KIAA1549: variants seen among roughly 807,000 people sequenced by gnomAD.
The protein encoded by KIAA1549 is KIAA1549, also known as UPF0606 protein KIAA1549.
KIAA1549 carries 70 observed loss-of-function variants against 156.4 expected under a neutral mutation model. The observed-to-expected ratio is 0.45, with a 90% CI of 0.37 to 0.55. The LOEUF is 0.55. KIAA1549 is among the 20% of genes least tolerant of loss of function. The pLI is 0.00. For missense variants in KIAA1549, 2,428 were observed against 2,540.9 expected, an observed-to-expected ratio of 0.96 and a Z score of 0.96; for synonymous variants, 1,103 against 1,066.4, an observed-to-expected ratio of 1.03 and a Z score of -0.67.
At chr7:138,976,038 T>A (rs7809149) in intron 1 of KIAA1549, among the ~76,000 whole-genome samples, 1 of 152,148 alleles carries the variant, frequency 6.6e-6, no homozygotes, top group Non-Finnish European at 1.5e-5. Flanking sequence ...AGCAAAAACA[T>A]GTAACAAAAA....
At chr7:138,876,170 T>G (rs1811080309) in intron 12 of KIAA1549, among the ~76,000 whole-genome samples, 1 of 152,188 alleles carries the variant, frequency 6.6e-6, no homozygotes, top group Admixed American at 6.5e-5. Flanking sequence ...TACAGTCATC[T>G]CCACTATGTT....
At chr7:138,871,047 C>T (rs1810914670) in intron 13 of KIAA1549, 110 bp downstream of exon 13, 1 of 997,084 alleles carries the variant, frequency 1.0e-6, no homozygotes, top group Non-Finnish European at 1.5e-6. Context: ...AAACTCCCGA[C>T]CTCAGGCGAT....
intron 1 of KIAA1549, among the ~76,000 whole-genome samples, chr7:138,943,863 C>CAA (rs367938533): frequency 6.9e-6 from 1 of 145,862 alleles, no homozygotes. Context: ...AAAAACAAAA[C>CAA]AAAAAAAAAA....
At chr7:138,913,235 T>C (rs949091028) in intron 2 of KIAA1549, among the ~76,000 whole-genome samples, 2 of 152,198 alleles carry the variant, frequency 1.3e-5, no homozygotes, top group African/African-American at 4.8e-5. Context: ...CATCTTCCTC[T>C]GTAAAATGAG....
At chr7:138,940,857 G>A (rs1225043557) in intron 1 of KIAA1549, among the ~76,000 whole-genome samples, 2 of 152,076 alleles carry the variant, frequency 1.3e-5, no homozygotes, top group African/African-American at 4.8e-5. Context: ...CTTGTTGATG[G>A]GGTTGTTTGT....
chr7:138,960,260 A>C (rs1813797932), intron 1 of KIAA1549, among the ~76,000 whole-genome samples: 1 of 151,874 alleles, frequency 6.6e-6, no homozygotes, highest in Non-Finnish European at 1.5e-5. Context: ...ACATAGTGAG[A>C]CCTCATCTCT....
chr7:138,938,784 A>G (rs926182386), intron 1 of KIAA1549, among the ~76,000 whole-genome samples: 1 of 152,250 alleles, frequency 6.6e-6, no homozygotes, highest in Non-Finnish European at 1.5e-5. Context: ...ACAGTGGCTC[A>G]CGCCTATAAT....
chr7:138,855,009 A>T (rs1563050369), intron 16 of KIAA1549, among the ~76,000 whole-genome samples: 5 of 152,246 alleles, frequency 3.3e-5, no homozygotes, highest in Admixed American at 3.3e-4. Flanking sequence ...AGATTCTGGC[A>T]GCACGATGTG....
intron 1 of KIAA1549, among the ~76,000 whole-genome samples, chr7:138,931,338 G>A (rs1295587141): frequency 6.6e-6 from 1 of 152,210 alleles, no homozygotes; most frequent in East Asian, 1.9e-4. Flanking sequence ...TCTGCAAAGT[G>A]CAATAAAATG....
At chr7:138,934,765 A>G (rs1464541084) in intron 1 of KIAA1549, among the ~76,000 whole-genome samples, 1 of 152,224 alleles carries the variant, frequency 6.6e-6, no homozygotes, top group Non-Finnish European at 1.5e-5. Context: ...TGTATATGCT[A>G]TGAGGTTTTC....
intron 1 of KIAA1549, among the ~76,000 whole-genome samples, chr7:138,968,874 AAAAAAAC>A (rs1814126270): frequency 6.6e-6 from 1 of 151,910 alleles, no homozygotes. Flanking sequence ...AAAAAAAAAA[AAAAAAAC>A]ACCTTGTGCT....
chr7:138,918,600 G>GT lies in KIAA1549; in HGVS notation c.1025dup (p.Tyr342Ter), dbSNP rs1217992442. ...SLEETISPRTYPTVTASHAAL... is the reference protein window; with the variant it reads ...SLEETISPRT Reference sequence around the variant, plus strand: ...CTGCGTGCGATGCAGTCACAGTGGGGTATGTTCTTGGAGAGATGGTTTCTT... The same window carrying GT: ...CTGCGTGCGATGCAGTCACAGTGGGGTTATGTTCTTGGAGAGATGGTTTCTT... The change falls in exon 2 of 20, where the codon TAC (tyrosine) becomes TAAC (stop). Residue 342 changes from tyrosine (Y) to a stop codon, truncating the protein, a stop_gained and frameshift_variant. Transcript: ENST00000422774. LOFTEE classifies it high-confidence loss of function. This position sits in a 1 kb window ranked among gnomAD's most constrained non-coding sequence, Gnocchi z 4.2. The GT allele has an allele frequency of 6.2e-7, 1 of 1,614,000 alleles. No homozygotes were observed. The highest frequency in any genetic ancestry group is 8.5e-7 in the Non-Finnish European group (1 of 1,179,892).
At chr7:138,927,914 T>C (rs1020667385) in intron 1 of KIAA1549, among the ~76,000 whole-genome samples, 1 of 151,672 alleles carries the variant, frequency 6.6e-6, no homozygotes, top group Admixed American at 6.6e-5. Flanking sequence ...CCTCTGCTAT[T>C]GTCTTGTCTT....
chr7:138,975,797 G>C (rs1284465983), intron 1 of KIAA1549, among the ~76,000 whole-genome samples: 2 of 152,202 alleles, frequency 1.3e-5, no homozygotes, highest in African/African-American at 4.8e-5. Flanking sequence ...AATCAACCTA[G>C]TGTAATTATA....
At chr7:138,971,718 GC>G in intron 1 of KIAA1549, among the ~76,000 whole-genome samples, 1 of 152,250 alleles carries the variant, frequency 6.6e-6, no homozygotes, top group South Asian at 2.1e-4. Context: ...GCAAAACTCA[GC>G]CTCCAAATCA....
At chr7:138,899,396 G>A (rs1811779111) in intron 8 of KIAA1549, among the ~76,000 whole-genome samples, 1 of 152,190 alleles carries the variant, frequency 6.6e-6, no homozygotes, top group Non-Finnish European at 1.5e-5. Context: ...AGGCTGCACA[G>A]AACCAGGGCT....
At chr7:138,967,069 A>C (rs1330552262) in intron 1 of KIAA1549, among the ~76,000 whole-genome samples, 1 of 151,986 alleles carries the variant, frequency 6.6e-6, no homozygotes, top group Non-Finnish European at 1.5e-5. Flanking sequence ...CATGACACCT[A>C]CCGCGGAGTA....
chr7:138,898,177 T>G (rs771679036), intron 9 of KIAA1549, among the ~76,000 whole-genome samples: 9 of 150,782 alleles, frequency 6.0e-5, no homozygotes, highest in Non-Finnish European at 1.2e-4. Flanking sequence ...CATGGTGGTG[T>G]GCTCCTGTAG....
chr7:138,852,562 C>A (rs988035762), intron 16 of KIAA1549, among the ~76,000 whole-genome samples: 15 of 152,188 alleles, frequency 9.9e-5, no homozygotes, highest in African/African-American at 3.4e-4. Flanking sequence ...CTGCTCTTCC[C>A]CACAGATCCA....
Sources: allele counts gnomAD v4.1 joint callset (sites outside exome capture counted in the v4.1 genomes callset), GRCh38; gene constraint gnomAD v4.1.1; non-coding constraint Gnocchi (gnomAD v3.1); transcripts MANE v1.5; gene names NCBI Gene and HGNC (gene_info 2026-07-23, HGNC 2026-07-21).